The following BABAM2 variants were observed in gnomAD, a reference collection of about 807,000 sequenced individuals.
BABAM2 encodes the protein BRISC and BRCA1 A complex member 2, also known as BRISC and BRCA1-A complex member 2.
Under a neutral mutation model 54.7 loss-of-function variants are expected in BABAM2, and 31 were observed. That is an observed-to-expected ratio of 0.57 (90% CI 0.43 to 0.77). The LOEUF is 0.77. BABAM2 is among the 30% of genes least tolerant of loss of function. The pLI is 0.00. For missense variants in BABAM2, 364 were observed against 455.8 expected, an observed-to-expected ratio of 0.80 and a Z score of 1.83; for synonymous variants, 167 against 162.9, an observed-to-expected ratio of 1.03 and a Z score of -0.19.
intron 5 of BABAM2, among the ~76,000 whole-genome samples, chr2:28,035,223 T>C (rs1169510526): frequency 6.6e-6 from 1 of 152,190 alleles, no homozygotes; most frequent in Non-Finnish European, 1.5e-5. Context: ...ATTATATATA[T>C]GGCTCACATT....
intron 6 of BABAM2, among the ~76,000 whole-genome samples, chr2:28,067,918 TTC>T (rs1663759251): frequency 6.6e-6 from 1 of 152,216 alleles, no homozygotes; most frequent in African/African-American, 2.4e-5. Flanking sequence ...AGTAAGAATT[TTC>T]TTTTTTCCTT....
chr2:28,148,836 A>G (rs1042686628), intron 7 of BABAM2, among the ~76,000 whole-genome samples: 4 of 152,238 alleles, frequency 2.6e-5, no homozygotes, highest in African/African-American at 9.6e-5. Context: ...AGCTGGAGCC[A>G]GAGTGAGCAC....
At chr2:28,072,628 G>A (rs554275203) in intron 6 of BABAM2, among the ~76,000 whole-genome samples, 10 of 151,894 alleles carry the variant, frequency 6.6e-5, no homozygotes, top group African/African-American at 1.4e-4. Context: ...CTTGTGATCC[G>A]CCCGCCTCAG....
chr2:28,039,454 AT>A (rs1676905937), intron 5 of BABAM2, among the ~76,000 whole-genome samples: 1 of 152,238 alleles, frequency 6.6e-6, no homozygotes, highest in African/African-American at 2.4e-5. Context: ...CAATCTCCAG[AT>A]TTAGGCTCAC....
intron 5 of BABAM2, among the ~76,000 whole-genome samples, chr2:28,026,865 T>TATATAA (rs1675787075): frequency 2.0e-5 from 1 of 49,594 alleles, no homozygotes; most frequent in Non-Finnish European, 3.4e-5. Flanking sequence ...TATATATAGA[T>TATATAA]ATATATATTT....
intron 6 of BABAM2, among the ~76,000 whole-genome samples, chr2:28,053,653 C>T (rs1678165852): frequency 6.6e-6 from 1 of 152,126 alleles, no homozygotes; most frequent in South Asian, 2.1e-4. Flanking sequence ...CCCATGGCTG[C>T]GCTCAGTACC....
intron 5 of BABAM2, among the ~76,000 whole-genome samples, chr2:28,026,830 A>T (rs1297619893): frequency 1.6e-4 from 8 of 50,118 alleles, no homozygotes; most frequent in African/African-American, 5.8e-4. Context: ...ATTTATATAT[A>T]TAAATATATA....
chr2:28,266,530 T>G (rs1217461498), intron 10 of BABAM2, among the ~76,000 whole-genome samples: 1 of 152,240 alleles, frequency 6.6e-6, no homozygotes, highest in Non-Finnish European at 1.5e-5. Context: ...TCTTCATTGT[T>G]AGTGATAAGA....
intron 7 of BABAM2, among the ~76,000 whole-genome samples, chr2:28,132,296 G>A (rs983424262): frequency 1.2e-4 from 18 of 151,600 alleles, no homozygotes; most frequent in African/African-American, 3.1e-4. Flanking sequence ...CCGCCACCAC[G>A]CCCGGCTAAT....
At chr2:28,096,049 C>T (rs6757405) in intron 6 of BABAM2, among the ~76,000 whole-genome samples, 49,829 of 151,868 alleles carry the variant, frequency 0.33, 8,473 homozygotes, top group South Asian at 0.52. Flanking sequence ...CATAGTCTGT[C>T]CTCTTACTCC....
chr2:28,211,895 AG>A (rs1240681896), intron 7 of BABAM2, among the ~76,000 whole-genome samples: 1 of 152,204 alleles, frequency 6.6e-6, no homozygotes, highest in African/African-American at 2.4e-5. Context: ...GTCTACATTT[AG>A]ATTTCCTCAT....
chr2:28,026,897 A>ATATATATAGAG (rs1558667588), intron 5 of BABAM2, among the ~76,000 whole-genome samples: 1 of 20,578 alleles, frequency 4.9e-5, no homozygotes. Context: ...GATATATATA[A>ATATATATAGAG]ATATATATAA....
intron 3 of BABAM2, among the ~76,000 whole-genome samples, chr2:27,951,839 T>G (rs552420753): frequency 6.6e-6 from 1 of 152,300 alleles, no homozygotes; most frequent in African/African-American, 2.4e-5. Flanking sequence ...TTTGTAGTCT[T>G]TTATCCCTCG....
At position 28,197,432 on chromosome 2, in the gene BABAM2, C is replaced by T. The variant is rs1001987917; in HGVS notation, c.681-39770C>T. Among the ~76,000 whole-genome samples, 7 of 152,152 alleles carry T rather than the reference C, an allele frequency of 4.6e-5. No individual in the cohort carries two copies. In the East Asian group the frequency reaches 7.7e-4, roughly 17 times the overall value. On this transcript the variant is annotated intron_variant, in intron 7 of 11. Coordinates refer to ENST00000379624, the MANE Select transcript of BABAM2 (RefSeq NM_199191.3). The stretch of plus-strand genomic sequence containing the variant: ...GACTTTGTGCTTTGCAAGTGCTCAA[C>T]GATGTTTTCTACCTTTTAAAAGTAC...
At chr2:28,193,607 G>A (rs1443882915) in intron 7 of BABAM2, among the ~76,000 whole-genome samples, 2 of 152,102 alleles carry the variant, frequency 1.3e-5, no homozygotes, top group Non-Finnish European at 2.9e-5. Context: ...TCCTGCTCTG[G>A]ATCCCAAAAT....
rs759053512 is a variant in BABAM2 at position 28,129,253 on chromosome 2, T to G, written c.571-18T>G. ...AGGAGAACAGGTGCTGATGTTGTGT[T>G]TTCACTTCTTGTTTAAGGATGTAAA... On this transcript the variant is annotated intron_variant, in intron 6 of 11. Coordinates refer to ENST00000379624, the MANE Select transcript of BABAM2 (RefSeq NM_199191.3). 2.3e-5 allele frequency: 37 copies of G among 1,596,166 alleles called. No homozygotes were observed. Among genetic ancestry groups the G allele is most frequent in the Admixed American group, 6.7e-5 (4 of 59,964 alleles).
chr2:28,168,118 T>C (rs1429964843), intron 7 of BABAM2, among the ~76,000 whole-genome samples: 2 of 152,174 alleles, frequency 1.3e-5, no homozygotes, highest in Non-Finnish European at 2.9e-5. Flanking sequence ...AGGAGCCCAG[T>C]GGAAAGCACT....
chr2:28,228,265 A>G (rs1477102499), intron 7 of BABAM2, among the ~76,000 whole-genome samples: 1 of 152,212 alleles, frequency 6.6e-6, no homozygotes, highest in African/African-American at 2.4e-5. Context: ...CTGAACTTTT[A>G]GTAAATACCA....
intron 3 of BABAM2, among the ~76,000 whole-genome samples, chr2:27,935,145 G>C (rs191742408): frequency 6.6e-6 from 1 of 152,162 alleles, no homozygotes; most frequent in African/African-American, 2.4e-5. Flanking sequence ...AGGGACAAAG[G>C]CAGCTAGTGA....
Sources: allele counts gnomAD v4.1 joint callset (sites outside exome capture counted in the v4.1 genomes callset), GRCh38; gene constraint gnomAD v4.1.1; transcripts MANE v1.5; gene names NCBI Gene and HGNC (gene_info 2026-07-23, HGNC 2026-07-21).